Variants in LIMCH1 observed in about 807,000 individuals in gnomAD.
LIMCH1 encodes the protein LIM and calponin homology domains-containing protein 1.
A neutral mutation model predicts 176.5 loss-of-function variants in LIMCH1; 113 were observed. The ratio of observed to expected loss-of-function variants is 0.64; its 90% confidence interval spans 0.55 to 0.75. The LOEUF is 0.75. Ranked by LOEUF, LIMCH1 falls within the 30% of genes least tolerant of loss-of-function variation. LIMCH1 has a pLI of 0.00. For synonymous variants in LIMCH1, 619 were observed against 645.9 expected (o/e 0.96, Z 0.63); for missense variants, 1,674 against 1,814.9 (o/e 0.92, Z 1.41).
intron 1 of LIMCH1, among the ~76,000 whole-genome samples, chr4:41,598,373 G>A (rs926665507): frequency 4.0e-5 from 6 of 151,668 alleles, no homozygotes; most frequent in African/African-American, 1.5e-4. Flanking sequence ...TTCTCATTTC[G>A]ATTGTCTAGA....
chr4:41,440,818 G>T (rs1265896792), intron 1 of LIMCH1, among the ~76,000 whole-genome samples: 10 of 152,236 alleles, frequency 6.6e-5, no homozygotes, highest in Admixed American at 2.0e-4. Flanking sequence ...ATAGGTATAA[G>T]CCACCGCACC....
chr4:41,514,916 C>G (rs1013923625), intron 2 of LIMCH1, among the ~76,000 whole-genome samples: 1 of 152,208 alleles, frequency 6.6e-6, no homozygotes, highest in Non-Finnish European at 1.5e-5. Context: ...GTTCGCTTCA[C>G]AAAGTCTTAT....
intron 1 of LIMCH1, among the ~76,000 whole-genome samples, chr4:41,366,214 T>G (rs1177127928): frequency 6.6e-6 from 1 of 152,240 alleles, no homozygotes; most frequent in Non-Finnish European, 1.5e-5. Context: ...TACTATTTAT[T>G]GGGTGCTTAT....
rs2093163967 is a variant in LIMCH1 at position 41,629,147 on chromosome 4, C to T, written c.1029-345C>T. Among the ~76,000 whole-genome samples, 3 of 152,310 alleles carry T rather than the reference C, an allele frequency of 2.0e-5. 1 individual carries two copies. The highest frequency in any genetic ancestry group is 4.4e-5 in the Non-Finnish European group (3 of 68,038). ...TTCATCAGAAAACCCGAATTCATTACAGTAACTTGAATAGTGTGGGAATTG... is the reference window on the plus strand; with the variant it reads ...TTCATCAGAAAACCCGAATTCATTATAGTAACTTGAATAGTGTGGGAATTG... On this transcript the variant is annotated intron_variant, in intron 8 of 31. Transcript: ENST00000503057.
chr4:41,670,769 G>T, intron 21 of LIMCH1: 1 of 1,535,922 alleles, frequency 6.5e-7, no homozygotes, highest in Non-Finnish European at 8.7e-7. Context: ...TCTTGGCGAC[G>T]ATCCCAGTTT....
intron 1 of LIMCH1, among the ~76,000 whole-genome samples, chr4:41,452,530 A>G (rs2154147548): frequency 6.6e-6 from 1 of 152,216 alleles, no homozygotes; most frequent in African/African-American, 2.4e-5. Context: ...GCTTTGTTGT[A>G]TTTTTTGATA....
chr4:41,399,231 A>G (rs997133648), intron 1 of LIMCH1, among the ~76,000 whole-genome samples: 1 of 152,186 alleles, frequency 6.6e-6, no homozygotes, highest in African/African-American at 2.4e-5. Context: ...GTTTTCTACA[A>G]TTCAGACTTC....
intron 1 of LIMCH1, among the ~76,000 whole-genome samples, chr4:41,460,339 T>C (rs910647389): frequency 7.2e-5 from 11 of 151,830 alleles, no homozygotes; most frequent in Middle Eastern, 3.4e-3. Flanking sequence ...TGATCGTTGA[T>C]CATGACATGC....
At chr4:41,459,274 C>T (rs748732728) in intron 1 of LIMCH1, among the ~76,000 whole-genome samples, 3 of 151,890 alleles carry the variant, frequency 2.0e-5, no homozygotes, top group Non-Finnish European at 2.9e-5. Context: ...TGCCTCCCTC[C>T]TTCCTTCCTT....
intron 2 of LIMCH1, chr4:41,494,756 A>C (rs1304034364): frequency 1.7e-6 from 1 of 582,044 alleles, no homozygotes; most frequent in Admixed American, 3.2e-5. Context: ...AAGAAACACA[A>C]GTCGGTGTGG....
At chr4:41,596,588 G>C (rs1435069036) in intron 1 of LIMCH1, among the ~76,000 whole-genome samples, 1 of 152,076 alleles carries the variant, frequency 6.6e-6, no homozygotes, top group Non-Finnish European at 1.5e-5. Context: ...AGAAAATCTG[G>C]GTCCTTTAAA....
chr4:41,532,669 T>C (rs1486410531), intron 3 of LIMCH1, among the ~76,000 whole-genome samples: 4 of 152,224 alleles, frequency 2.6e-5, no homozygotes, highest in Non-Finnish European at 4.4e-5. Flanking sequence ...GGTTGTTCAC[T>C]GATGTGCTTG....
intron 1 of LIMCH1, among the ~76,000 whole-genome samples, chr4:41,489,796 G>A (rs1348150645): frequency 1.3e-5 from 2 of 151,878 alleles, no homozygotes; most frequent in East Asian, 3.8e-4. Context: ...AAGGTTCAGA[G>A]CATCAACTCC....
Position 41,638,227 on chromosome 4 carries a change from C to T in LIMCH1, c.2091-705C>T, listed in dbSNP as rs559213023. On this transcript the variant is annotated intron_variant, in intron 13 of 31. Coordinates refer to ENST00000503057, the MANE Select transcript of LIMCH1 (RefSeq NM_001330672.2). ...ACTCATTTAGACTTCCGGTGACTAT[C>T]GCAGAGGGTACAACTTTATGGATCT... 2.6e-5 allele frequency among the ~76,000 whole-genome samples: 4 copies of T among 151,962 alleles called. No homozygotes were observed. The East Asian group carries it at 5.8e-4, about 22-fold the overall frequency.
intron 1 of LIMCH1, among the ~76,000 whole-genome samples, chr4:41,547,861 GTGTATATATATATATATATA>G (rs1254828203): frequency 2.4e-5 from 2 of 84,962 alleles, no homozygotes; most frequent in African/African-American, 3.9e-5. Context: ...ATTTGTGTGT[GTGTATATATATATATATATA>G]TATATATATA....
At chr4:41,491,418 T>A (rs138901832) in intron 1 of LIMCH1, among the ~76,000 whole-genome samples, 1 of 117,354 alleles carries the variant, frequency 8.5e-6, no homozygotes, top group Non-Finnish European at 1.8e-5. Flanking sequence ...ACCTCCCAGA[T>A]GAAGGGCGGC....
chr4:41,559,265 T>G (rs2081735450), intron 1 of LIMCH1, among the ~76,000 whole-genome samples: 1 of 152,078 alleles, frequency 6.6e-6, no homozygotes, highest in African/African-American at 2.4e-5. Flanking sequence ...CACCTTCAAT[T>G]TCCTCTTCTG....
chr4:41,483,293 G>A (rs1351774114), intron 1 of LIMCH1, among the ~76,000 whole-genome samples: 1 of 152,064 alleles, frequency 6.6e-6, no homozygotes, highest in East Asian at 1.9e-4. Flanking sequence ...TTTTTGGTGG[G>A]GGGTGTGGGG....
chr4:41,419,834 T>G (rs894897008), intron 1 of LIMCH1, among the ~76,000 whole-genome samples: 4 of 147,238 alleles, frequency 2.7e-5, no homozygotes, highest in Admixed American at 2.7e-4. Flanking sequence ...TCCCTCCCTC[T>G]CTTCCTCCCT....
Sources: allele counts gnomAD v4.1 joint callset (sites outside exome capture counted in the v4.1 genomes callset), GRCh38; gene constraint gnomAD v4.1.1; transcripts MANE v1.5; gene names NCBI Gene and HGNC (gene_info 2026-07-23, HGNC 2026-07-21).